The following CNTNAP3B variants were observed in gnomAD, a reference collection of about 807,000 sequenced individuals.
CNTNAP3B encodes the protein contactin associated protein family member 3B.
CNTNAP3B carries 25 observed loss-of-function variants against 108.9 expected under a neutral mutation model. The observed-to-expected ratio is 0.23, with a 90% CI of 0.17 to 0.32. The LOEUF (loss-of-function observed/expected upper bound fraction) is 0.32, where lower values mean the gene tolerates loss of function less well. Ranked by LOEUF, CNTNAP3B falls within the 10% of genes least tolerant of loss-of-function variation. CNTNAP3B has a pLI of 1.00. For missense variants in CNTNAP3B, 252 were observed against 1,210.4 expected (o/e 0.21, Z 11.75); for synonymous variants, 103 against 473.4 (o/e 0.22, Z 10.16).
intron 14 of CNTNAP3B, among the ~76,000 whole-genome samples, chr9:41,932,476 T>A (rs1824006394): frequency 6.6e-6 from 1 of 151,346 alleles, no homozygotes; most frequent in South Asian, 2.1e-4. Flanking sequence ...CAAAGAAAGC[T>A]AAAAGGGAGA....
chr9:41,961,737 G>C (rs1407934444), intron 11 of CNTNAP3B, among the ~76,000 whole-genome samples: 1 of 152,304 alleles, frequency 6.6e-6, no homozygotes, highest in Non-Finnish European at 1.5e-5. Flanking sequence ...GACAATTCAA[G>C]ACAGCTGAAA....
intron 13 of CNTNAP3B, 31 bp downstream of exon 13, chr9:41,953,152 A>C (rs1824746114): frequency 7.4e-6 from 11 of 1,495,454 alleles, no homozygotes; most frequent in African/African-American, 4.4e-5. Context: ...CGGCCTCGTG[A>C]GCCCCTGTAG....
intron 8 of CNTNAP3B, among the ~76,000 whole-genome samples, chr9:41,990,666 CT>C (rs993215058): frequency 0.016 from 1,786 of 110,490 alleles, 11 homozygotes; most frequent in Admixed American, 0.12. Flanking sequence ...TCAGATTACG[CT>C]TTTTTTTTTT....
At chr9:41,918,495 A>C (rs1164046341) in intron 18 of CNTNAP3B, among the ~76,000 whole-genome samples, 1 of 145,444 alleles carries the variant, frequency 6.9e-6, no homozygotes, top group African/African-American at 2.6e-5. Context: ...CTGTAAATAA[A>C]AAGAAAATGT....
At chr9:42,073,035 G>A in intron 3 of CNTNAP3B, among the ~76,000 whole-genome samples, 1 of 139,588 alleles carries the variant, frequency 7.2e-6, no homozygotes, top group Non-Finnish European at 1.5e-5. Flanking sequence ...ATAAATTTGG[G>A]TCTGCTTAGG....
At chr9:41,997,198 C>T (rs1386986426) in intron 6 of CNTNAP3B, among the ~76,000 whole-genome samples, 8 of 148,666 alleles carry the variant, frequency 5.4e-5, no homozygotes, top group Non-Finnish European at 8.9e-5. Flanking sequence ...GTTAGGATTG[C>T]ACCAAGACAA....
In CNTNAP3B at chr9:42,115,185, T is replaced by A. The variant is rs1186137123; in HGVS notation, c.86-10446A>T. ...AATGCAATCAAAGAGATTTTTTGTA[T>A]ACTCATAAGAAAAAACAGAAGAAGC... On this transcript the variant is annotated intron_variant, in intron 1 of 23. Transcript: ENST00000377561. Among the ~76,000 whole-genome samples the A allele has an allele frequency of 1.4e-5, 2 of 139,094 alleles. 1 individual carries two copies. The highest frequency in any genetic ancestry group is 3.1e-5 in the Non-Finnish European group (2 of 64,876). 91.3% of individuals were successfully genotyped at this position (139,094 alleles called of 152,430 possible).
intron 1 of CNTNAP3B, among the ~76,000 whole-genome samples, chr9:42,117,189 C>T (rs1354147286): frequency 7.4e-6 from 1 of 135,900 alleles, no homozygotes; most frequent in African/African-American, 3.0e-5. Flanking sequence ...TAGACATCTA[C>T]AGAACTCTCC....
intron 14 of CNTNAP3B, among the ~76,000 whole-genome samples, chr9:41,935,107 G>A (rs1352502801): frequency 7.2e-5 from 11 of 152,270 alleles, no homozygotes; most frequent in Admixed American, 1.3e-4. Context: ...ATATTGACTT[G>A]CAGCATAGTT....
rs1189633375 is a variant in CNTNAP3B, at chr9:42,115,066, G to A, written c.86-10327C>T. Among the ~76,000 whole-genome samples, 4 of 135,982 alleles carry A rather than the reference G, an allele frequency of 2.9e-5. 1 individual carries two copies. The highest frequency in any genetic ancestry group is 1.2e-4 in the African/African-American group (4 of 33,872). The allele number at this position is 135,982 out of a possible 152,430, so 89.2% of individuals were successfully genotyped here. On this transcript the variant is annotated intron_variant, in intron 1 of 23. Transcript: ENST00000377561. ...AAGACTCCATATCGGAAAAAAAAAA[G>A]AAATACTTACAATGAAAAGGAACAT...
At chr9:41,952,038 C>G (rs1360900788) in intron 13 of CNTNAP3B, among the ~76,000 whole-genome samples, 2 of 152,264 alleles carry the variant, frequency 1.3e-5, no homozygotes, top group Admixed American at 6.5e-5. Context: ...AAGATCGTGC[C>G]ACTGCACTCC....
intron 1 of CNTNAP3B, among the ~76,000 whole-genome samples, chr9:42,109,073 C>T (rs1157179205): frequency 2.9e-5 from 4 of 138,290 alleles, no homozygotes; most frequent in African/African-American, 5.7e-5. Flanking sequence ...CTTTTCAAAA[C>T]AGCATTTCAT....
Position 42,030,806 on chromosome 9 carries a change from A to AG in CNTNAP3B, c.391-17282dup, listed in dbSNP as rs1182119406. On this transcript the variant is annotated intron_variant, in intron 3 of 23. Coordinates refer to ENST00000377561, the MANE Select transcript of CNTNAP3B (RefSeq NM_001201380.3). ...AGAGATGTGTGCGAGAGAGAGAGAG[A>AG]GAGAGAGGAGAGAGAGAGAGAGAGA... Among the ~76,000 whole-genome samples, 44 of 87,648 alleles carry AG rather than the reference A, an allele frequency of 5.0e-4. 4 individuals carry two copies. In the South Asian group the frequency reaches 6.7e-3, roughly 13 times the overall value. The allele number at this position is 87,648 out of a possible 152,430, so 57.5% of individuals were successfully genotyped here. A position where few individuals can be genotyped will look rare whatever the true frequency, so the allele number is the denominator to read the frequency against.
intron 10 of CNTNAP3B, among the ~76,000 whole-genome samples, chr9:41,969,011 T>C (rs866088377): frequency 0.03 from 4,483 of 149,262 alleles, 3 homozygotes; most frequent in Non-Finnish European, 0.049. Flanking sequence ...TTAGCCAGGA[T>C]GGTCTCGATC....
At chr9:41,947,302 T>A (rs1259708234) in intron 13 of CNTNAP3B, among the ~76,000 whole-genome samples, 1 of 151,818 alleles carries the variant, frequency 6.6e-6, no homozygotes, top group African/African-American at 2.4e-5. Flanking sequence ...AGAACTAAAA[T>A]CACACAAAGT....
chr9:41,965,012 A>G lies in CNTNAP3B; in HGVS notation c.1650-368T>C, dbSNP rs574326100. Among the ~76,000 whole-genome samples, 31 of 152,378 alleles carry G rather than the reference A, an allele frequency of 2.0e-4. No homozygotes were observed. The South Asian group carries it at 5.2e-3, about 25-fold the overall frequency. ...ATTTTTAAAAGAAAGAAGGGGAAAC[A>G]GGGAGGAAGATACAGAGGGGAGAAG... On this transcript the variant is annotated intron_variant, in intron 10 of 23. Coordinates refer to ENST00000377561, the MANE Select transcript of CNTNAP3B (RefSeq NM_001201380.3).
At chr9:41,962,782 C>G (rs1275759086) in intron 11 of CNTNAP3B, among the ~76,000 whole-genome samples, 1 of 152,084 alleles carries the variant, frequency 6.6e-6, no homozygotes, top group African/African-American at 2.4e-5. Flanking sequence ...GGCAAAACCC[C>G]GTCTCTACTA....
In CNTNAP3B at chr9:42,088,484, T is replaced by A. The variant is rs1173486863; in HGVS notation, c.197-11422A>T. On this transcript the variant is annotated intron_variant, in intron 2 of 23. Transcript: ENST00000377561. ...ACTAACAACCTATTTTAGATGAATT[T>A]TAAAGTTACATATGCTGCTGAAGCA... is the stretch of plus-strand genomic sequence containing the variant. 6.5e-5 allele frequency among the ~76,000 whole-genome samples: 9 copies of A among 139,136 alleles called. 1 individual carries two copies. Among genetic ancestry groups the A allele is most frequent in the Non-Finnish European group, 1.4e-4 (9 of 64,884 alleles). The allele number at this position is 139,136 out of a possible 152,430, so 91.3% of individuals were successfully genotyped here. A position where few individuals can be genotyped will look rare whatever the true frequency, so the allele number is the denominator to read the frequency against.
chr9:41,942,515 G>A lies in CNTNAP3B; in HGVS notation c.2081-4115C>T, dbSNP rs1824385697. On this transcript the variant is annotated intron_variant, in intron 13 of 23. Coordinates refer to ENST00000377561, the MANE Select transcript of CNTNAP3B (RefSeq NM_001201380.3). The stretch of plus-strand genomic sequence containing the variant: ...AGTCCCAGCTACTGGGGAGGCTGAG[G>A]CGGGAGAATGGCGTGAACCCGGGAG... Among the ~76,000 whole-genome samples the A allele has an allele frequency of 2.0e-5, 3 of 151,468 alleles. No homozygotes were observed. The South Asian group carries it at 6.3e-4, about 32-fold the overall frequency.
Sources: allele counts gnomAD v4.1 joint callset (sites outside exome capture counted in the v4.1 genomes callset), GRCh38; gene constraint gnomAD v4.1.1; transcripts MANE v1.5; gene names NCBI Gene and HGNC (gene_info 2026-07-23, HGNC 2026-07-21).